SOX11: variants seen among roughly 807,000 people sequenced by gnomAD.
SOX11 encodes the protein transcription factor SOX-11.
SOX11 carries 5 observed loss-of-function variants against 16.7 expected under a neutral mutation model. The observed-to-expected ratio is 0.30, with a 90% CI of 0.16 to 0.63. The LOEUF (loss-of-function observed/expected upper bound fraction) is 0.63. SOX11 is among the 20% of genes least tolerant of loss of function. SOX11 has a pLI of 0.82. For missense variants in SOX11, 492 were observed against 641.5 expected (o/e 0.77, Z 2.52); for synonymous variants, 363 against 298.8 (o/e 1.21, Z -2.22).
rs1665807067 is a variant in SOX11, at chr2:5,699,989, A to G, written c.*5942A>G. On this transcript the variant is annotated 3_prime_UTR_variant, in exon 1 of 1. Coordinates refer to ENST00000322002, the MANE Select transcript of SOX11 (RefSeq NM_003108.4). The stretch of plus-strand genomic sequence containing the variant: ...GACACAAGCTCATAATGTTCCATGT[A>G]TAAAAGTAATAACTTTATTGGGTAG... 6.0e-6 allele frequency: 1 copy of G among 167,092 alleles called. No homozygotes were observed. The highest frequency in any genetic ancestry group is 2.4e-5 in the African/African-American group (1 of 41,466). The allele number at this position is 167,092 out of a possible 1,614,324, so 10.4% of individuals were successfully genotyped here.
chr2:5,693,775 G>A lies in SOX11; in HGVS notation c.1054G>A (p.Gly352Ser), dbSNP rs776762311. 1.9e-6 allele frequency: 3 copies of A among 1,570,574 alleles called. No individual in the cohort carries two copies. Among genetic ancestry groups the A allele is most frequent in the Non-Finnish European group, 2.6e-6 (3 of 1,159,476 alleles). Residue 352 changes from glycine to serine, a missense_variant, in exon 1 of 1, where the codon GGC (glycine) becomes AGC (serine). Physicochemically the swap from Gly to Ser is moderately conservative, Grantham distance 56 (BLOSUM62 0). Transcript: ENST00000322002. This position sits in a 1 kb window ranked among gnomAD's most constrained non-coding sequence, Gnocchi z 8.6. Reference protein sequence around the residue: ...SSSSSSGSSSGSSGEDADDLM... With the variant: ...SSSSSSGSSSSSSGEDADDLM... Reference sequence around the variant, plus strand: ...GTCCAGCAGCAGCGGCAGCAGCAGCGGCAGCAGCGGCGAGGACGCCGACGA... The same window carrying A: ...GTCCAGCAGCAGCGGCAGCAGCAGCAGCAGCAGCGGCGAGGACGCCGACGA...
chr2:5,701,039 G>A lies in SOX11; in HGVS notation c.*6992G>A, dbSNP rs1032478704. 1.8e-5 allele frequency: 3 copies of A among 166,858 alleles called. No homozygotes were observed. The highest frequency in any genetic ancestry group is 7.3e-5 in the African/African-American group (3 of 41,368). The allele number at this position is 166,858 out of a possible 1,614,324, so 10.3% of individuals were successfully genotyped here. The stretch of plus-strand genomic sequence containing the variant: ...GAGGATGAAGTGTTTGATAGCACTA[G>A]GGGGGAAAGAAAATGCATGGCAAAG... On this transcript the variant is annotated 3_prime_UTR_variant, in exon 1 of 1. Coordinates refer to ENST00000322002, the MANE Select transcript of SOX11 (RefSeq NM_003108.4).
chr2:5,697,236 G>C lies in SOX11; in HGVS notation c.*3189G>C, dbSNP rs1466837328. On this transcript the variant is annotated 3_prime_UTR_variant, in exon 1 of 1. Coordinates refer to ENST00000322002, the MANE Select transcript of SOX11 (RefSeq NM_003108.4). ...GCGCCCGCAGCGGAGGAGGTTTTCA[G>C]TGGCTGATTGAAACTCACTGCAAAA... 6.0e-6 allele frequency: 1 copy of C among 167,032 alleles called. No individual in the cohort carries two copies. The highest frequency in any genetic ancestry group is 2.4e-5 in the African/African-American group (1 of 41,476). 10.3% of individuals were successfully genotyped at this position (167,032 alleles called of 1,614,324 possible).
chr2:5,692,751 G>A lies in SOX11; in HGVS notation c.30G>A (p.Ala10=), dbSNP rs748803674. The A allele has an allele frequency of 2.5e-6, 4 of 1,604,090 alleles. No individual in the cohort carries two copies. The highest frequency in any genetic ancestry group is 1.7e-5 in the Admixed American group (1 of 59,690). The change falls in exon 1 of 1, where the codon GCG becomes GCA. Residue 10 remains alanine (A), a synonymous_variant. Coordinates refer to ENST00000322002, the MANE Select transcript of SOX11 (RefSeq NM_003108.4). ...TGCAGCAGGCGGAGAGCTTGGAAGC[G>A]GAGAGCAACCTGCCCCGGGAGGCGC... MVQQAESLE[A]ESNLPREALD...
chr2:5,696,660 C>A lies in SOX11; in HGVS notation c.*2613C>A, dbSNP rs1229271512. 6.6e-6 allele frequency: 1 copy of A among 152,022 alleles called. No homozygotes were observed. 9.4% of individuals were successfully genotyped at this position (152,022 alleles called of 1,614,324 possible). A position where few individuals can be genotyped will look rare whatever the true frequency, so the allele number is the denominator to read the frequency against. ...CGCCACCGCGTGCTCCTGGGCGCGCCCCGCCGCGGGCCCTTGAGGCGCGCG... is the reference window on the plus strand; with the variant it reads ...CGCCACCGCGTGCTCCTGGGCGCGCACCGCCGCGGGCCCTTGAGGCGCGCG... On this transcript the variant is annotated 3_prime_UTR_variant, in exon 1 of 1. Coordinates refer to ENST00000322002, the MANE Select transcript of SOX11 (RefSeq NM_003108.4).
rs755391891 is a variant in SOX11, at chr2:5,693,183, G to A, written c.462G>A (p.Ala154=). ...GCGGCGGGAGCGCGGGCGGAGGCGCGGGCGGTGCCAAGACCTCCAAGGGCT... is the reference window on the plus strand; with the variant it reads ...GCGGCGGGAGCGCGGGCGGAGGCGCAGGCGGTGCCAAGACCTCCAAGGGCT... The part of the protein sequence containing the change: ...GGGGGSAGGG[A]GGAKTSKGSS... The change falls in exon 1 of 1, where the codon GCG becomes GCA. Residue 154 remains alanine (A), a synonymous_variant. Transcript: ENST00000322002. The surrounding 1 kb of genome is among the most constrained non-coding windows in gnomAD (Gnocchi z 8.6). The A allele has an allele frequency of 6.5e-7, 1 of 1,549,994 alleles. No individual in the cohort carries two copies. The highest frequency in any genetic ancestry group is 8.7e-7 in the Non-Finnish European group (1 of 1,151,136).
In SOX11 at chr2:5,694,752, G is replaced by A. The variant is rs1474529504; in HGVS notation, c.*705G>A. The A allele has an allele frequency of 7.5e-6, 1 of 132,832 alleles. No individual in the cohort carries two copies. Among genetic ancestry groups the A allele is most frequent in the Non-Finnish European group, 1.6e-5 (1 of 63,506 alleles). The allele number at this position is 132,832 out of a possible 1,614,324, so 8.2% of individuals were successfully genotyped here. Reference sequence around the variant, plus strand: ...ATCCGATTCTTAACAAAACTGCAGGGAGCTTGAAAAAATGCAGACTGTACA... The same window carrying A: ...ATCCGATTCTTAACAAAACTGCAGGAAGCTTGAAAAAATGCAGACTGTACA... On this transcript the variant is annotated 3_prime_UTR_variant, in exon 1 of 1. Transcript: ENST00000322002.
rs1366014617 is a variant in SOX11, at chr2:5,699,778, A to C, written c.*5731A>C. The C allele has an allele frequency of 1.9e-5, 3 of 160,586 alleles. No homozygotes were observed. The highest frequency in any genetic ancestry group is 4.0e-4 in the East Asian group (2 of 5,040). 9.9% of individuals were successfully genotyped at this position (160,586 alleles called of 1,614,324 possible). The stretch of plus-strand genomic sequence containing the variant: ...TTTTTCATTGTACTTTTTTAACACT[A>C]CCTATATCCATTAGCTGCCTAATTA... On this transcript the variant is annotated 3_prime_UTR_variant, in exon 1 of 1. Coordinates refer to ENST00000322002, the MANE Select transcript of SOX11 (RefSeq NM_003108.4).
Position 5,692,626 on chromosome 2 carries a change from C to A in SOX11, c.-96C>A. The stretch of plus-strand genomic sequence containing the variant: ...CGAAAGCGGGGTGCCGAGGACTTTG[C>A]AACTTGCCCAGGAAGGTGGAGGGGT... On this transcript the variant is annotated 5_prime_UTR_variant, in exon 1 of 1. Transcript: ENST00000322002. The A allele has an allele frequency of 2.0e-6, 2 of 983,570 alleles. No individual in the cohort carries two copies. Among genetic ancestry groups the A allele is most frequent in the South Asian group, 1.8e-5 (1 of 54,706 alleles). 60.9% of individuals were successfully genotyped at this position (983,570 alleles called of 1,614,324 possible).
In SOX11 at chr2:5,693,770, G is replaced by A. The variant is rs1665681538; in HGVS notation, c.1049G>A (p.Ser350Asn). 6.4e-7 allele frequency: 1 copy of A among 1,569,158 alleles called. No homozygotes were observed. The highest frequency in any genetic ancestry group is 8.6e-7 in the Non-Finnish European group (1 of 1,158,986). ...TCCTCGTCCAGCAGCAGCGGCAGCA[G>A]CAGCGGCAGCAGCGGCGAGGACGCC... ...STSSSSSSGS[S>N]SGSSGEDADD... The change falls in exon 1 of 1, where the codon AGC (serine) becomes AAC (asparagine). Residue 350 changes from serine (S) to asparagine (N), a missense_variant. This residue lies in a region of SOX11 where 389 missense variants were observed against 389.0 expected (regional missense o/e 1.00). Transcript: ENST00000322002. This position sits in a 1 kb window ranked among gnomAD's most constrained non-coding sequence, Gnocchi z 8.6.
At position 5,692,624 on chromosome 2, in the gene SOX11, T is replaced by C. The variant is rs1665653527; in HGVS notation, c.-98T>C. 1 of 928,330 alleles carries C rather than the reference T, an allele frequency of 1.1e-6. No homozygotes were observed. The highest frequency in any genetic ancestry group is 1.5e-6 in the Non-Finnish European group (1 of 658,558). 57.5% of individuals were successfully genotyped at this position (928,330 alleles called of 1,614,324 possible). On this transcript the variant is annotated 5_prime_UTR_variant, in exon 1 of 1. Transcript: ENST00000322002. ...CGCGAAAGCGGGGTGCCGAGGACTTTGCAACTTGCCCAGGAAGGTGGAGGG... is the reference window on the plus strand; with the variant it reads ...CGCGAAAGCGGGGTGCCGAGGACTTCGCAACTTGCCCAGGAAGGTGGAGGG...
rs1572216621 is a variant in SOX11 at position 5,693,403 on chromosome 2, G to C, written c.682G>C (p.Asp228His). The C allele has an allele frequency of 1.9e-6, 3 of 1,588,934 alleles. No individual in the cohort carries two copies. Among genetic ancestry groups the C allele is most frequent in the Non-Finnish European group, 2.6e-6 (3 of 1,175,986 alleles). Residue 228 changes from aspartate (D) to histidine (H), a missense_variant, in exon 1 of 1, where the codon GAC becomes CAC. By Grantham distance (81) the Asp-to-His change is moderately conservative. Coordinates refer to ENST00000322002, the MANE Select transcript of SOX11 (RefSeq NM_003108.4). The surrounding 1 kb of genome is among the most constrained non-coding windows in gnomAD (Gnocchi z 8.6). ...KCVFLDEDDD[D>H]DDDDDELQLQ... ...CGTGTTTCTGGATGAGGACGACGAC[G>C]ACGACGACGACGACGACGAGCTGCA...
rs1427248472 is a variant in SOX11, at chr2:5,696,835, C to T, written c.*2788C>T. The T allele has an allele frequency of 6.4e-6, 1 of 157,166 alleles. No individual in the cohort carries two copies. Among genetic ancestry groups the T allele is most frequent in the Admixed American group, 6.6e-5 (1 of 15,248 alleles). The allele number at this position is 157,166 out of a possible 1,614,324, so 9.7% of individuals were successfully genotyped here. On this transcript the variant is annotated 3_prime_UTR_variant, in exon 1 of 1. Transcript: ENST00000322002. ...ACCACGCCCTCCCCGCGCGCCGGCT[C>T]AGGGGCTGCCCCGGAATCAGCTCCC... is the stretch of plus-strand genomic sequence containing the variant.
chr2:5,692,589 G>C lies in SOX11; in HGVS notation c.-133G>C, dbSNP rs1665652585. 3 of 654,378 alleles carry C rather than the reference G, an allele frequency of 4.6e-6. No individual in the cohort carries two copies. Among genetic ancestry groups the C allele is most frequent in the Non-Finnish European group, 7.5e-6 (3 of 401,862 alleles). 40.5% of individuals were successfully genotyped at this position (654,378 alleles called of 1,614,324 possible). A position where few individuals can be genotyped will look rare whatever the true frequency, so the allele number is the denominator to read the frequency against. On this transcript the variant is annotated 5_prime_UTR_variant, in exon 1 of 1. Coordinates refer to ENST00000322002, the MANE Select transcript of SOX11 (RefSeq NM_003108.4). ...AGCCTGGAAGGGGGGGCGGGGGGGA[G>C]GGGGGGAGCCGCGAAAGCGGGGTGC...
chr2:5,700,630 T>A lies in SOX11; in HGVS notation c.*6583T>A, dbSNP rs1419882117. On this transcript the variant is annotated 3_prime_UTR_variant, in exon 1 of 1. Transcript: ENST00000322002. ...GTCTACTTTTACTCTTGTACATATGTTGTGGGTTTAAGAGTCTTTTGCATT... is the reference window on the plus strand; with the variant it reads ...GTCTACTTTTACTCTTGTACATATGATGTGGGTTTAAGAGTCTTTTGCATT... 1 of 167,118 alleles carries A rather than the reference T, an allele frequency of 6.0e-6. No individual in the cohort carries two copies. The highest frequency in any genetic ancestry group is 2.4e-5 in the African/African-American group (1 of 41,464). 10.4% of individuals were successfully genotyped at this position (167,118 alleles called of 1,614,324 possible).
In SOX11 at chr2:5,698,275, T is replaced by G. The variant is rs1665776762; in HGVS notation, c.*4228T>G. On this transcript the variant is annotated 3_prime_UTR_variant, in exon 1 of 1. Coordinates refer to ENST00000322002, the MANE Select transcript of SOX11 (RefSeq NM_003108.4). ...GGATAGTCTTCAATAAAAGTTTAATTGATTTTTTTTTGTTGGTCTCTTAAG... is the reference window on the plus strand; with the variant it reads ...GGATAGTCTTCAATAAAAGTTTAATGGATTTTTTTTTGTTGGTCTCTTAAG... The G allele has an allele frequency of 6.0e-6, 1 of 167,088 alleles. No homozygotes were observed. Among genetic ancestry groups the G allele is most frequent in the South Asian group, 2.1e-4 (1 of 4,832 alleles). The allele number at this position is 167,088 out of a possible 1,614,324, so 10.4% of individuals were successfully genotyped here.
chr2:5,694,666 A>ATTTTTTTT lies in SOX11; in HGVS notation c.*644_*651dup, dbSNP rs5829022. ...GACCATTGCAACTTTTGTTAATTTA[A>ATTTTTTTT]TTTTTTTTTTTTTTTTTTTTTTTTT... On this transcript the variant is annotated 3_prime_UTR_variant, in exon 1 of 1. Transcript: ENST00000322002. The ATTTTTTTT allele has an allele frequency of 2.3e-5, 1 of 42,816 alleles. No individual in the cohort carries two copies. The highest frequency in any genetic ancestry group is 4.7e-4 in the Admixed American group (1 of 2,130). 2.7% of individuals were successfully genotyped at this position (42,816 alleles called of 1,614,324 possible). A position where few individuals can be genotyped will look rare whatever the true frequency, so the allele number is the denominator to read the frequency against.
rs1665695789 is a variant in SOX11 at position 5,694,554 on chromosome 2, C to T, written c.*507C>T. On this transcript the variant is annotated 3_prime_UTR_variant, in exon 1 of 1. Transcript: ENST00000322002. The stretch of plus-strand genomic sequence containing the variant: ...TCTGCAGAGGACCCTTTTGGCAGCA[C>T]AACTGTTACTCTAGGGAGTTGGTGG... 4.2e-6 allele frequency: 1 copy of T among 235,714 alleles called. No individual in the cohort carries two copies. Among genetic ancestry groups the T allele is most frequent in the Non-Finnish European group, 8.6e-6 (1 of 115,674 alleles). The allele number at this position is 235,714 out of a possible 1,614,324, so 14.6% of individuals were successfully genotyped here. A position where few individuals can be genotyped will look rare whatever the true frequency, so the allele number is the denominator to read the frequency against.
rs1477099137 is a variant in SOX11, at chr2:5,696,761, G to A, written c.*2714G>A. 2 of 152,206 alleles carry A rather than the reference G, an allele frequency of 1.3e-5. No homozygotes were observed. The highest frequency in any genetic ancestry group is 2.9e-5 in the Non-Finnish European group (2 of 67,930). The allele number at this position is 152,206 out of a possible 1,614,324, so 9.4% of individuals were successfully genotyped here. On this transcript the variant is annotated 3_prime_UTR_variant, in exon 1 of 1. Coordinates refer to ENST00000322002, the MANE Select transcript of SOX11 (RefSeq NM_003108.4). ...GGGGCTGCGGGGTGAGAGGAAGAAA[G>A]CAAACCCGGGGAGCAGGCGGCTGCC... is the stretch of plus-strand genomic sequence containing the variant.
Sources: gnomAD v4.1 joint callset for allele counts on GRCh38, gnomAD v4.1.1 for gene constraint, gnomAD v4.1.1 regional missense constraint, Gnocchi (gnomAD v3.1) non-coding constraint, MANE v1.5 for transcripts, NCBI Gene and HGNC (gene_info 2026-07-23, HGNC 2026-07-21) for gene names.